The following PARVA variants were observed in gnomAD, a reference collection of about 807,000 sequenced individuals.
The protein encoded by PARVA is alpha-parvin.
Under a neutral mutation model 52.6 loss-of-function variants are expected in PARVA, and 25 were observed. The ratio of observed to expected loss-of-function variants is 0.48; its 90% CI spans 0.35 to 0.66. PARVA has a LOEUF of 0.66. PARVA is among the 30% of genes least tolerant of loss of function. The pLI is 0.01. For missense variants in PARVA, 373 were observed against 450.9 expected (o/e 0.83, Z 1.56); for synonymous variants, 185 against 179.1 (o/e 1.03, Z -0.26).
intron 1 of PARVA, among the ~76,000 whole-genome samples, chr11:12,450,978 C>T (rs1940616699): frequency 6.6e-6 from 1 of 152,208 alleles, no homozygotes; most frequent in South Asian, 2.1e-4. Flanking sequence ...TGGCAACACC[C>T]TCACAGACAC....
chr11:12,525,484 T>C lies in PARVA; in HGVS notation c.1043-2365T>C, dbSNP rs114538731. ...ACCTTCCCCTTTACACCCAACTCCC[T>C]TGGCAAGCTCACCTTTGCCCCTCTC... On this transcript the variant is annotated intron_variant, in intron 12 of 12. Transcript: ENST00000334956. 3.3e-3 allele frequency among the ~76,000 whole-genome samples: 508 copies of C among 152,006 alleles called. 4 individuals are homozygous for C. Among genetic ancestry groups the C allele is most frequent in the African/African-American group, 7.7e-3 (319 of 41,476 alleles).
chr11:12,388,446 G>A (rs1486010165), intron 1 of PARVA, among the ~76,000 whole-genome samples: 1 of 152,226 alleles, frequency 6.6e-6, no homozygotes, highest in Non-Finnish European at 1.5e-5. Context: ...AAGAGGCAGT[G>A]AACTTTTATC....
intron 1 of PARVA, among the ~76,000 whole-genome samples, chr11:12,406,813 G>C (rs968938986): frequency 6.6e-6 from 1 of 151,872 alleles, no homozygotes; most frequent in African/African-American, 2.4e-5. Context: ...TGGGACTACA[G>C]GCACCCGCCA....
upstream of PARVA, chr11:12,376,716 G>C: frequency 1.0e-6 from 1 of 984,762 alleles, no homozygotes; most frequent in Non-Finnish European, 1.2e-6. Context: ...CAAAGAGCCA[G>C]AGTGAGAACT....
chr11:12,496,720 C>A, intron 5 of PARVA, 122 bp downstream of exon 5: 1 of 931,720 alleles, frequency 1.1e-6, no homozygotes, highest in Non-Finnish European at 1.6e-6. Flanking sequence ...ACTCATTTAT[C>A]TTTGAACAAG....
At chr11:12,392,493 T>C (rs548073722) in intron 1 of PARVA, among the ~76,000 whole-genome samples, 13 of 152,294 alleles carry the variant, frequency 8.5e-5, no homozygotes, top group Middle Eastern at 3.4e-3. Context: ...CGTCTCGAAC[T>C]CTTGACCTCA....
intron 6 of PARVA, 48 bp downstream of exon 6, chr11:12,504,477 A>G: frequency 1.7e-6 from 2 of 1,206,996 alleles, no homozygotes; most frequent in African/African-American, 1.5e-5. Flanking sequence ...AGAGTCGTGG[A>G]GGTCGAGTTC....
chr11:12,504,721 T>C (rs1941411818), intron 6 of PARVA, among the ~76,000 whole-genome samples: 1 of 151,246 alleles, frequency 6.6e-6, no homozygotes, highest in Non-Finnish European at 1.5e-5. Context: ...TAGATGAGGG[T>C]GTGCGGTATG....
At chr11:12,450,108 G>C (rs538705588) in intron 1 of PARVA, among the ~76,000 whole-genome samples, 2 of 152,282 alleles carry the variant, frequency 1.3e-5, no homozygotes, top group South Asian at 4.2e-4. Flanking sequence ...AGAAAACTGA[G>C]ACATGAGAGA....
At position 12,471,140 on chromosome 11, in the gene PARVA, T is replaced by G. The variant is rs1239463616; in HGVS notation, c.137-2605T>G. On this transcript the variant is annotated intron_variant, in intron 1 of 12. Transcript: ENST00000334956. Reference sequence around the variant, plus strand: ...CAGTGGTGCCATCTACTGAAGAGGATAAGAATAAAGAACAGGTTCATTTTA... The same window carrying G: ...CAGTGGTGCCATCTACTGAAGAGGAGAAGAATAAAGAACAGGTTCATTTTA... Among the ~76,000 whole-genome samples the G allele has an allele frequency of 2.0e-5, 3 of 152,164 alleles. No homozygotes were observed. In the East Asian group the frequency reaches 5.8e-4, roughly 29 times the overall value.
intron 1 of PARVA, among the ~76,000 whole-genome samples, chr11:12,468,741 GCTT>G (rs1288967443): frequency 6.6e-6 from 1 of 152,138 alleles, no homozygotes; most frequent in Non-Finnish European, 1.5e-5. Flanking sequence ...CAACACACTA[GCTT>G]CTTCCTTGAG....
chr11:12,476,889 C>T (rs1172231054), intron 3 of PARVA, among the ~76,000 whole-genome samples: 1 of 152,166 alleles, frequency 6.6e-6, no homozygotes, highest in Non-Finnish European at 1.5e-5. Flanking sequence ...AAGGCAAAGA[C>T]GTCCAACACA....
chr11:12,496,409 G>C, intron 4 of PARVA, 49 bp from the exon 5 acceptor site: 3 of 1,574,794 alleles, frequency 1.9e-6, no homozygotes, highest in Non-Finnish European at 2.6e-6. Flanking sequence ...CAGTAGGGTT[G>C]TCTGGGGCCC....
intron 1 of PARVA, among the ~76,000 whole-genome samples, chr11:12,379,350 A>G (rs1939451577): frequency 6.6e-6 from 1 of 152,196 alleles, no homozygotes; most frequent in African/African-American, 2.4e-5. Context: ...GCCCCATTCA[A>G]GATGGAGTTG....
rs1182314368 is a variant in PARVA, at chr11:12,532,903, G to T, written c.*4978G>T. On this transcript the variant is annotated 3_prime_UTR_variant, in exon 13 of 13. Coordinates refer to ENST00000334956, the MANE Select transcript of PARVA (RefSeq NM_018222.5). ...ATTTTTCTCCTTTGAAAAACAGGTT[G>T]CCATCTACCTTTTTAAATGTCCCAC... 6.6e-6 allele frequency among the ~76,000 whole-genome samples: 1 copy of T among 152,214 alleles called. No homozygotes were observed. The highest frequency in any genetic ancestry group is 1.9e-4 in the East Asian group (1 of 5,190).
At chr11:12,416,617 G>A (rs997490669) in intron 1 of PARVA, among the ~76,000 whole-genome samples, 32 of 151,812 alleles carry the variant, frequency 2.1e-4, no homozygotes, top group African/African-American at 6.8e-4. Flanking sequence ...CAGGAAGGAA[G>A]GAAGAAAAGG....
At chr11:12,461,989 A>C (rs1014525323) in intron 1 of PARVA, among the ~76,000 whole-genome samples, 4 of 152,176 alleles carry the variant, frequency 2.6e-5, no homozygotes, top group African/African-American at 9.7e-5. Context: ...GAAGCCACAT[A>C]TTATAACCAC....
Position 12,377,577 on chromosome 11 carries a change from G to T in PARVA, c.-71G>T. The T allele has an allele frequency of 6.7e-7, 1 of 1,495,870 alleles. No homozygotes were observed. The highest frequency in any genetic ancestry group is 8.9e-7 in the Non-Finnish European group (1 of 1,123,010). The allele number at this position is 1,495,870 out of a possible 1,614,324, so 92.7% of individuals were successfully genotyped here. A position where few individuals can be genotyped will look rare whatever the true frequency, so the allele number is the denominator to read the frequency against. ...TTTGGAAAGCCGCAGCCTCAGTCCC[G>T]CCGCCGCCCGCTGCGTCCGCCCAGC... is the stretch of plus-strand genomic sequence containing the variant. On this transcript the variant is annotated 5_prime_UTR_variant, in exon 1 of 13. Coordinates refer to ENST00000334956, the MANE Select transcript of PARVA (RefSeq NM_018222.5).
rs535442980 is a variant in PARVA, at chr11:12,532,565, G to A, written c.*4640G>A. Among the ~76,000 whole-genome samples, 3 of 152,320 alleles carry A rather than the reference G, an allele frequency of 2.0e-5. No homozygotes were observed. The highest frequency in any genetic ancestry group is 3.4e-3 in the Middle Eastern group (1 of 294). ...GTGAGAGATTATAGCTAGCAGGGGAGACAGATGAAAAATAACTATGAATCG... is the reference window on the plus strand; with the variant it reads ...GTGAGAGATTATAGCTAGCAGGGGAAACAGATGAAAAATAACTATGAATCG... On this transcript the variant is annotated 3_prime_UTR_variant, in exon 13 of 13. Coordinates refer to ENST00000334956, the MANE Select transcript of PARVA (RefSeq NM_018222.5).
Sources: allele counts gnomAD v4.1 joint callset (sites outside exome capture counted in the v4.1 genomes callset), GRCh38; gene constraint gnomAD v4.1.1; transcripts MANE v1.5; gene names NCBI Gene and HGNC (gene_info 2026-07-23, HGNC 2026-07-21).